CAP2: variants seen among roughly 807,000 people sequenced by gnomAD.
CAP2 encodes adenylyl cyclase-associated protein 2.
In CAP2, 24 loss-of-function variants were observed where a neutral mutation model predicts 57.7. The observed-to-expected ratio is 0.42, with a 90% CI of 0.30 to 0.58. CAP2 has a LOEUF of 0.58. CAP2 is among the 20% of genes least tolerant of loss of function. The pLI, the probability that CAP2 is intolerant of heterozygous loss-of-function variation, is 0.22. For missense variants in CAP2, 501 were observed against 590.3 expected (o/e 0.85, Z 1.57); for synonymous variants, 194 against 207.2 (o/e 0.94, Z 0.55).
chr6:17,435,733 CAAA>C (rs1215274639), intron 3 of CAP2, among the ~76,000 whole-genome samples: 20 of 72,178 alleles, frequency 2.8e-4, no homozygotes, highest in South Asian at 1.5e-3. Flanking sequence ...AAAAAAAAAA[CAAA>C]AAAAAAACAA....
chr6:17,501,955 A>G (rs1291023405), intron 4 of CAP2, among the ~76,000 whole-genome samples: 1 of 152,228 alleles, frequency 6.6e-6, no homozygotes, highest in Non-Finnish European at 1.5e-5. Context: ...GGGGAAGGCC[A>G]GGGAGCAGGT....
intron 7 of CAP2, among the ~76,000 whole-genome samples, chr6:17,526,238 C>T (rs911610593): frequency 6.6e-6 from 1 of 151,966 alleles, no homozygotes; most frequent in South Asian, 2.1e-4. Flanking sequence ...CTGCCTCAGC[C>T]TCAAGAGCGG....
At chr6:17,538,788 T>G (rs1258091518) in intron 7 of CAP2, among the ~76,000 whole-genome samples, 1 of 152,222 alleles carries the variant, frequency 6.6e-6, no homozygotes, top group Non-Finnish European at 1.5e-5. Context: ...TATCTCTCTC[T>G]TTCACTGCTT....
At chr6:17,458,253 A>T (rs1042104989) in intron 3 of CAP2, among the ~76,000 whole-genome samples, 1 of 152,252 alleles carries the variant, frequency 6.6e-6, no homozygotes, top group Non-Finnish European at 1.5e-5. Context: ...GATCTTGAGC[A>T]GTATATCCCA....
At chr6:17,458,560 C>T (rs896371928) in intron 3 of CAP2, among the ~76,000 whole-genome samples, 6 of 152,056 alleles carry the variant, frequency 3.9e-5, no homozygotes, top group Non-Finnish European at 8.8e-5. Context: ...AACGTTAATA[C>T]GAAGTGGTTT....
At position 17,513,704 on chromosome 6, in the gene CAP2, G is replaced by A; in HGVS notation, c.531-145G>A. Reference sequence around the variant, plus strand: ...CTTCCTCCCAGGGTTCCCTTCTGAAGCCCTTCACGGTGCCTGGGTTGCAAG... The same window carrying A: ...CTTCCTCCCAGGGTTCCCTTCTGAAACCCTTCACGGTGCCTGGGTTGCAAG... On this transcript the variant is annotated intron_variant, in intron 6 of 12. Transcript: ENST00000229922. This position sits in a 1 kb window ranked among gnomAD's most constrained non-coding sequence, Gnocchi z 4.3. The A allele has an allele frequency of 1.6e-6, 1 of 633,322 alleles. No homozygotes were observed. 39.2% of individuals were successfully genotyped at this position (633,322 alleles called of 1,614,324 possible). A position where few individuals can be genotyped will look rare whatever the true frequency, so the allele number is the denominator to read the frequency against.
At chr6:17,427,904 T>C (rs1759633072) in intron 3 of CAP2, among the ~76,000 whole-genome samples, 1 of 152,132 alleles carries the variant, frequency 6.6e-6, no homozygotes, top group Non-Finnish European at 1.5e-5. Context: ...AAAAGACAAA[T>C]ACTGTATGAT....
At chr6:17,444,936 G>C (rs1760213973) in intron 3 of CAP2, among the ~76,000 whole-genome samples, 1 of 151,954 alleles carries the variant, frequency 6.6e-6, no homozygotes, top group Non-Finnish European at 1.5e-5. Flanking sequence ...GTTGAGGAAA[G>C]TGAGCCATTG....
chr6:17,479,142 C>T (rs1265163714), intron 4 of CAP2, among the ~76,000 whole-genome samples: 1 of 152,164 alleles, frequency 6.6e-6, no homozygotes, highest in Admixed American at 6.5e-5. Flanking sequence ...GGCTCTTGCT[C>T]CACGGCCCTG....
intron 3 of CAP2, among the ~76,000 whole-genome samples, chr6:17,431,788 C>G (rs937959980): frequency 6.6e-6 from 1 of 152,106 alleles, no homozygotes; most frequent in Non-Finnish European, 1.5e-5. Context: ...CTCAGGGCCT[C>G]TGTCTCTCAA....
At chr6:17,479,712 C>T (rs1761240015) in intron 4 of CAP2, among the ~76,000 whole-genome samples, 1 of 149,682 alleles carries the variant, frequency 6.7e-6, no homozygotes, top group Non-Finnish European at 1.5e-5. Context: ...GCCGGGTTCA[C>T]GCCATTCTCC....
At chr6:17,423,547 C>G (rs1759499599) in intron 2 of CAP2, among the ~76,000 whole-genome samples, 1 of 151,896 alleles carries the variant, frequency 6.6e-6, no homozygotes, top group African/African-American at 2.4e-5. Context: ...CTACTGACCA[C>G]AAATGTGAAG....
chr6:17,496,030 G>T (rs28642151), intron 4 of CAP2, among the ~76,000 whole-genome samples: 2 of 41,182 alleles, frequency 4.9e-5, no homozygotes, highest in Non-Finnish European at 1.1e-4. Flanking sequence ...GTGTGGGTGG[G>T]GGGGGGGGGT....
intron 4 of CAP2, among the ~76,000 whole-genome samples, chr6:17,473,255 T>G (rs1761068419): frequency 6.6e-6 from 1 of 152,240 alleles, no homozygotes. Context: ...ACTGCCTTGA[T>G]GGCAAATGCT....
chr6:17,535,527 G>A (rs546813930), intron 7 of CAP2, among the ~76,000 whole-genome samples: 1 of 151,718 alleles, frequency 6.6e-6, no homozygotes, highest in South Asian at 2.1e-4. Context: ...TTCTGCCTCG[G>A]CCTCCCAAAG....
At chr6:17,396,262 A>G (rs1318937994) in intron 1 of CAP2, among the ~76,000 whole-genome samples, 3 of 152,228 alleles carry the variant, frequency 2.0e-5, no homozygotes, top group Non-Finnish European at 4.4e-5. Context: ...AATTAAACAT[A>G]AAGTTACCAT....
At chr6:17,525,657 G>A (rs1056033179) in intron 7 of CAP2, among the ~76,000 whole-genome samples, 5 of 152,126 alleles carry the variant, frequency 3.3e-5, no homozygotes, top group African/African-American at 4.8e-5. Context: ...ACATGTTTAT[G>A]AAGCACTTAA....
intron 1 of CAP2, among the ~76,000 whole-genome samples, chr6:17,416,317 C>T (rs1393450199): frequency 6.6e-6 from 1 of 152,058 alleles, no homozygotes; most frequent in Non-Finnish European, 1.5e-5. Flanking sequence ...TAACTATTCC[C>T]ACTGACAGCA....
intron 3 of CAP2, among the ~76,000 whole-genome samples, chr6:17,433,652 A>C (rs1256529654): frequency 6.6e-6 from 1 of 152,214 alleles, no homozygotes; most frequent in East Asian, 1.9e-4. Context: ...CGGCCTGATC[A>C]TTACTATGCT....
Sources: gnomAD v4.1 joint callset for allele counts (sites outside exome capture counted in the v4.1 genomes callset) on GRCh38, gnomAD v4.1.1 for gene constraint, Gnocchi (gnomAD v3.1) non-coding constraint, MANE v1.5 for transcripts, NCBI Gene and HGNC (gene_info 2026-07-23, HGNC 2026-07-21) for gene names.